Variants in FARP1 observed in about 807,000 individuals in gnomAD.
FARP1 encodes the protein FERM, ARHGEF and pleckstrin domain-containing protein 1.
Under a neutral mutation model 128.8 loss-of-function variants are expected in FARP1, and 52 were observed. That is an observed-to-expected ratio of 0.40 (90% CI 0.32 to 0.51). FARP1 has a LOEUF of 0.51. Ranked by LOEUF, FARP1 falls within the 20% of genes least tolerant of loss-of-function variation. FARP1 has a pLI of 0.45. For missense variants in FARP1, 1,333 were observed against 1,367.9 expected, an observed-to-expected ratio of 0.97 and a Z score of 0.40; for synonymous variants, 580 against 551.8, an observed-to-expected ratio of 1.05 and a Z score of -0.72.
chr13:98,330,998 A>G (rs1887484715), intron 2 of FARP1, among the ~76,000 whole-genome samples: 1 of 152,076 alleles, frequency 6.6e-6, no homozygotes, highest in Non-Finnish European at 1.5e-5. Context: ...CATCAGTTGG[A>G]ATTAGTTCTT....
chr13:98,271,720 G>A (rs1884399646), intron 2 of FARP1, among the ~76,000 whole-genome samples: 1 of 152,170 alleles, frequency 6.6e-6, no homozygotes, highest in South Asian at 2.1e-4. Context: ...CTTCATCCAT[G>A]TCCCTGCAAA....
chr13:98,143,710 C>T (rs1489245665), intron 1 of FARP1, among the ~76,000 whole-genome samples: 1 of 148,722 alleles, frequency 6.7e-6, no homozygotes, highest in African/African-American at 2.5e-5. Context: ...TCGGGGGCCT[C>T]GGGGCTCCGG....
At chr13:98,330,220 A>G (rs1245786215) in intron 2 of FARP1, among the ~76,000 whole-genome samples, 1 of 152,140 alleles carries the variant, frequency 6.6e-6, no homozygotes, top group East Asian at 1.9e-4. Flanking sequence ...ATATGAGCTC[A>G]GGTAGGTGAC....
intron 1 of FARP1, among the ~76,000 whole-genome samples, chr13:98,203,319 T>G (rs35911987): frequency 0.37 from 55,565 of 152,076 alleles, 11,790 homozygotes; most frequent in Non-Finnish European, 0.46. Context: ...GTTTACAGAG[T>G]TGGGTGACCA....
At chr13:98,201,465 A>G (rs1879940591) in intron 1 of FARP1, among the ~76,000 whole-genome samples, 1 of 152,206 alleles carries the variant, frequency 6.6e-6, no homozygotes. Flanking sequence ...ACAGAACGGC[A>G]AAAGCTTAGT....
intron 2 of FARP1, among the ~76,000 whole-genome samples, chr13:98,247,125 C>G (rs1349679584): frequency 1.3e-5 from 2 of 152,174 alleles, no homozygotes; most frequent in Non-Finnish European, 2.9e-5. Flanking sequence ...GCCTGTAATC[C>G]CAGCTATTCG....
At chr13:98,296,934 C>A (rs1885722423) in intron 2 of FARP1, among the ~76,000 whole-genome samples, 1 of 152,164 alleles carries the variant, frequency 6.6e-6, no homozygotes, top group Non-Finnish European at 1.5e-5. Context: ...ATCCTCCTAC[C>A]TTGGCCTCCC....
intron 2 of FARP1, among the ~76,000 whole-genome samples, chr13:98,220,560 C>G (rs1881357756): frequency 6.6e-6 from 1 of 152,130 alleles, no homozygotes; most frequent in Non-Finnish European, 1.5e-5. Flanking sequence ...ATGGTCATTT[C>G]TGTGTTTTAT....
intron 5 of FARP1, among the ~76,000 whole-genome samples, chr13:98,374,133 A>T (rs1889473895): frequency 6.6e-6 from 1 of 152,156 alleles, no homozygotes; most frequent in Non-Finnish European, 1.5e-5. Flanking sequence ...TTTATTCTAA[A>T]ATAAGGTTGG....
chr13:98,209,110 G>A (rs1490553488), intron 1 of FARP1, among the ~76,000 whole-genome samples: 1 of 152,132 alleles, frequency 6.6e-6, no homozygotes, highest in Non-Finnish European at 1.5e-5. Flanking sequence ...CCGGGTTCAC[G>A]CCATTCTCCT....
rs570374845 is a variant in FARP1 at position 98,317,911 on chromosome 13, C to T, written c.172-25851C>T. On this transcript the variant is annotated intron_variant, in intron 2 of 26. Transcript: ENST00000319562. ...CTCTCTCTCTCTCCCTCCCTCCTTT[C>T]CTTCCTTCCTCTCTCCTTCCTTTCC... 8.6e-5 allele frequency among the ~76,000 whole-genome samples: 13 copies of T among 150,712 alleles called. No homozygotes were observed. In the South Asian group the frequency reaches 2.8e-3, roughly 32 times the overall value.
In FARP1 at chr13:98,228,351, A is replaced by C. The variant is rs373567563; in HGVS notation, c.171+14938A>C. 1.7e-4 allele frequency among the ~76,000 whole-genome samples: 26 copies of C among 152,312 alleles called. No homozygotes were observed. The East Asian group carries it at 4.4e-3, about 26-fold the overall frequency. ...CTTCAGCCTGGGCAACAAGAGTGAA[A>C]ATCAGTCTCAAAAAATAAAAAGAAA... On this transcript the variant is annotated intron_variant, in intron 2 of 26. Transcript: ENST00000319562.
intron 1 of FARP1, among the ~76,000 whole-genome samples, chr13:98,153,306 A>C (rs9517200): frequency 8.1e-5 from 2 of 24,706 alleles, no homozygotes; most frequent in African/African-American, 2.5e-4. Context: ...AAATATATTT[A>C]TATATAAAAT....
At chr13:98,429,911 T>A (rs1429986588) in intron 17 of FARP1, among the ~76,000 whole-genome samples, 1 of 152,140 alleles carries the variant, frequency 6.6e-6, no homozygotes, top group Non-Finnish European at 1.5e-5. Context: ...TATAGACATG[T>A]ATACAAATAT....
chr13:98,342,958 A>C (rs1418530394), intron 2 of FARP1, among the ~76,000 whole-genome samples: 2 of 151,924 alleles, frequency 1.3e-5, no homozygotes, highest in Non-Finnish European at 2.9e-5. Flanking sequence ...CGGGAGGTGG[A>C]GGTTGCAGTG....
intron 2 of FARP1, among the ~76,000 whole-genome samples, chr13:98,254,278 C>G (rs1225104719): frequency 1.3e-5 from 2 of 152,214 alleles, no homozygotes; most frequent in Non-Finnish European, 2.9e-5. Flanking sequence ...AGAGAGATGA[C>G]AGTTTAATTC....
At chr13:98,367,198 C>T (rs1280468356) in intron 4 of FARP1, among the ~76,000 whole-genome samples, 1 of 152,078 alleles carries the variant, frequency 6.6e-6, no homozygotes. Context: ...CTCTCTCACA[C>T]CAGGCTGGAG....
chr13:98,219,987 C>T (rs1164244019), intron 2 of FARP1, among the ~76,000 whole-genome samples: 2 of 152,118 alleles, frequency 1.3e-5, no homozygotes, highest in Admixed American at 1.3e-4. Flanking sequence ...TTCTTAATTT[C>T]TCTTTCAGCC....
intron 2 of FARP1, among the ~76,000 whole-genome samples, chr13:98,292,815 T>C (rs763999788): frequency 6.6e-6 from 1 of 152,142 alleles, no homozygotes; most frequent in Non-Finnish European, 1.5e-5. Flanking sequence ...TGGTGTAGGA[T>C]GGGAAGCTCA....
Sources: allele counts gnomAD v4.1 joint callset (sites outside exome capture counted in the v4.1 genomes callset), GRCh38; gene constraint gnomAD v4.1.1; transcripts MANE v1.5; gene names NCBI Gene and HGNC (gene_info 2026-07-23, HGNC 2026-07-21).